Variants in SLC4A10 observed in about 807,000 individuals in gnomAD.
SLC4A10 encodes sodium-driven chloride bicarbonate exchanger.
A neutral mutation model predicts 137.7 loss-of-function variants in SLC4A10; 42 were observed. That is an observed-to-expected ratio of 0.30 (90% CI 0.24 to 0.39). The LOEUF is 0.39. SLC4A10 is among the 10% of genes least tolerant of loss of function. The pLI is 1.00. For missense variants in SLC4A10, 925 were observed against 1,355.0 expected, an observed-to-expected ratio of 0.68 and a Z score of 4.98; for synonymous variants, 474 against 464.1, an observed-to-expected ratio of 1.02 and a Z score of -0.27.
intron 2 of SLC4A10, among the ~76,000 whole-genome samples, chr2:161,791,250 A>T (rs2054174227): frequency 6.6e-6 from 1 of 152,214 alleles, no homozygotes; most frequent in Non-Finnish European, 1.5e-5. Context: ...GATAAAGAAA[A>T]TGTTGCACAT....
chr2:161,852,479 C>A (rs935171137), intron 4 of SLC4A10, among the ~76,000 whole-genome samples: 3 of 152,134 alleles, frequency 2.0e-5, no homozygotes, highest in African/African-American at 7.2e-5. Flanking sequence ...AGCCCTTCCA[C>A]AGAATAGTAT....
chr2:161,646,743 G>A (rs1007949601), intron 1 of SLC4A10, among the ~76,000 whole-genome samples: 1 of 151,902 alleles, frequency 6.6e-6, no homozygotes, highest in African/African-American at 2.4e-5. Flanking sequence ...TTTCTTCCTT[G>A]TAAATTAATT....
At chr2:161,636,396 T>A (rs1044517463) in intron 1 of SLC4A10, among the ~76,000 whole-genome samples, 3 of 152,176 alleles carry the variant, frequency 2.0e-5, no homozygotes, top group Non-Finnish European at 2.9e-5. Flanking sequence ...TTATTTGTTA[T>A]TTATTCACCT....
intron 4 of SLC4A10, among the ~76,000 whole-genome samples, chr2:161,842,501 T>G (rs1232449876): frequency 6.6e-6 from 1 of 152,048 alleles, no homozygotes; most frequent in Non-Finnish European, 1.5e-5. Flanking sequence ...CTTTATTTAT[T>G]TTATATAAAT....
At chr2:161,851,674 G>T (rs1238882708) in intron 4 of SLC4A10, among the ~76,000 whole-genome samples, 1 of 152,002 alleles carries the variant, frequency 6.6e-6, no homozygotes, top group Non-Finnish European at 1.5e-5. Context: ...ATAAGAAAGG[G>T]TTTTATCATT....
chr2:161,900,889 A>G (rs373078524), intron 11 of SLC4A10, 22 bp from the exon 12 acceptor site: 3 of 1,484,448 alleles, frequency 2.0e-6, no homozygotes, highest in African/African-American at 1.4e-5. Context: ...AACAAAACAC[A>G]TGAACAAAAA....
chr2:161,885,889 T>C (rs1022521133), intron 10 of SLC4A10, among the ~76,000 whole-genome samples: 1 of 152,136 alleles, frequency 6.6e-6, no homozygotes, highest in Non-Finnish European at 1.5e-5. Flanking sequence ...GATCACTTGA[T>C]GTCACAAGTT....
intron 15 of SLC4A10, among the ~76,000 whole-genome samples, chr2:161,913,140 A>C (rs1686258456): frequency 6.6e-6 from 1 of 152,182 alleles, no homozygotes; most frequent in Non-Finnish European, 1.5e-5. Context: ...TATGTAACTG[A>C]AAAAATAGTA....
At chr2:161,837,482 G>A (rs919640695) in intron 3 of SLC4A10, among the ~76,000 whole-genome samples, 4 of 152,108 alleles carry the variant, frequency 2.6e-5, no homozygotes, top group African/African-American at 9.7e-5. Context: ...GTTTCCATGG[G>A]TTGGAAAAAT....
intron 3 of SLC4A10, among the ~76,000 whole-genome samples, chr2:161,822,461 C>G (rs2057701367): frequency 6.6e-6 from 1 of 152,120 alleles, no homozygotes. Flanking sequence ...TAATTGATTT[C>G]TTAGTGTAAC....
chr2:161,730,802 A>G (rs1037430859), intron 1 of SLC4A10, among the ~76,000 whole-genome samples: 4 of 152,226 alleles, frequency 2.6e-5, no homozygotes, highest in African/African-American at 9.6e-5. Context: ...TTTGTTTTTC[A>G]TAGATTATCC....
chr2:161,649,213 C>T (rs2036472461), intron 1 of SLC4A10, among the ~76,000 whole-genome samples: 1 of 152,068 alleles, frequency 6.6e-6, no homozygotes, highest in African/African-American at 2.4e-5. Flanking sequence ...ACAAAAAATA[C>T]AGAAAATTAG....
At chr2:161,771,139 A>AGG (rs2051544484) in intron 2 of SLC4A10, 85 bp downstream of exon 2, 1 of 1,007,172 alleles carries the variant, frequency 9.9e-7, no homozygotes, top group Non-Finnish European at 1.5e-6. Context: ...ATTGTGAAGA[A>AGG]TTGCAAAAGT....
chr2:161,909,542 G>C (rs1244793179), intron 15 of SLC4A10, among the ~76,000 whole-genome samples: 1 of 152,186 alleles, frequency 6.6e-6, no homozygotes, highest in Admixed American at 6.5e-5. Context: ...CAGAAACAAT[G>C]ACAGTCTCAT....
intron 19 of SLC4A10, among the ~76,000 whole-genome samples, chr2:161,953,612 A>G (rs1233072934): frequency 3.3e-5 from 5 of 152,052 alleles, no homozygotes; most frequent in Non-Finnish European, 7.4e-5. Context: ...CGTCTCAAAA[A>G]AAAAAAATGT....
At chr2:161,965,418 A>T (rs1436647305) in intron 23 of SLC4A10, among the ~76,000 whole-genome samples, 1 of 152,146 alleles carries the variant, frequency 6.6e-6, no homozygotes, top group East Asian at 1.9e-4. Context: ...TTGTACTAAA[A>T]TACCCTCCAA....
intron 1 of SLC4A10, among the ~76,000 whole-genome samples, chr2:161,709,494 A>G (rs1178102621): frequency 6.6e-6 from 1 of 151,650 alleles, no homozygotes; most frequent in East Asian, 1.9e-4. Flanking sequence ...GTAGATATAT[A>G]CTAACGTATT....
At chr2:161,737,592 C>G (rs762103087) in intron 1 of SLC4A10, among the ~76,000 whole-genome samples, 9 of 151,844 alleles carry the variant, frequency 5.9e-5, no homozygotes, top group Non-Finnish European at 8.8e-5. Context: ...ATAGGCATTC[C>G]TTCATGGGCC....
At chr2:161,708,897 A>G in intron 1 of SLC4A10, 2 of 1,443,352 alleles carry the variant, frequency 1.4e-6, no homozygotes, top group South Asian at 2.7e-5. Context: ...GTTCTTACTC[A>G]TTGAAAATAT....
Sources: gnomAD v4.1 joint callset for allele counts (sites outside exome capture counted in the v4.1 genomes callset) on GRCh38, gnomAD v4.1.1 for gene constraint, MANE v1.5 for transcripts, NCBI Gene and HGNC (gene_info 2026-07-23, HGNC 2026-07-21) for gene names.